NCKAP5: variants seen among roughly 807,000 people sequenced by gnomAD.
NCKAP5 encodes the protein nck-associated protein 5.
Under a neutral mutation model 167.0 loss-of-function variants are expected in NCKAP5, and 92 were observed. The ratio of observed to expected loss-of-function variants is 0.55; its 90% CI spans 0.47 to 0.66. NCKAP5 has a LOEUF of 0.66. Ranked by LOEUF, NCKAP5 falls within the 30% of genes least tolerant of loss-of-function variation. The probability of loss-of-function intolerance (pLI) is 0.00; values close to 1 mark genes in which losing one functional copy is unlikely to be tolerated. For missense variants in NCKAP5, 2,378 were observed against 2,315.0 expected, an observed-to-expected ratio of 1.03 and a Z score of -0.56; for synonymous variants, 891 against 877.4, an observed-to-expected ratio of 1.02 and a Z score of -0.27.
intron 3 of NCKAP5, among the ~76,000 whole-genome samples, chr2:133,440,233 T>A (rs1309202950): frequency 6.6e-6 from 1 of 152,206 alleles, no homozygotes; most frequent in African/African-American, 2.4e-5. Context: ...GAAATTAGTA[T>A]CCTAGCTCTG....
chr2:133,378,280 A>AT (rs1686289421), intron 3 of NCKAP5, among the ~76,000 whole-genome samples: 1 of 152,168 alleles, frequency 6.6e-6, no homozygotes, highest in African/African-American at 2.4e-5. Flanking sequence ...GACCAAAGAG[A>AT]TAAGATAAAG....
At chr2:132,712,844 A>C (rs1036714947) in intron 19 of NCKAP5, among the ~76,000 whole-genome samples, 1 of 152,212 alleles carries the variant, frequency 6.6e-6, no homozygotes, top group Non-Finnish European at 1.5e-5. Context: ...GGTCAGGGTG[A>C]AACCAAGGTG....
intron 19 of NCKAP5, among the ~76,000 whole-genome samples, chr2:132,673,739 C>T (rs60306901): frequency 0.011 from 1,748 of 152,234 alleles, 38 homozygotes; most frequent in African/African-American, 0.04. Context: ...TAAAAATCCC[C>T]TAACTTGCCA....
intron 13 of NCKAP5, among the ~76,000 whole-genome samples, chr2:132,789,125 C>A (rs916374675): frequency 6.6e-6 from 1 of 152,062 alleles, no homozygotes; most frequent in Non-Finnish European, 1.5e-5. Context: ...TGGAAGAATT[C>A]CAGCCAAAAA....
chr2:133,595,614 G>A, the NCKAP5 span, among the ~76,000 whole-genome samples: 1 of 151,938 alleles, frequency 6.6e-6, no homozygotes, highest in Non-Finnish European at 1.5e-5. Flanking sequence ...TGGGGTCTCT[G>A]AAGTACCCTG....
intron 4 of NCKAP5, among the ~76,000 whole-genome samples, chr2:133,244,572 T>C (rs971404720): frequency 2.0e-5 from 3 of 152,010 alleles, no homozygotes; most frequent in Non-Finnish European, 4.4e-5. Context: ...CATAAAGATA[T>C]AGAATTAAGA....
At chr2:133,401,659 T>C (rs933691071) in intron 3 of NCKAP5, among the ~76,000 whole-genome samples, 3 of 152,206 alleles carry the variant, frequency 2.0e-5, no homozygotes, top group African/African-American at 7.2e-5. Context: ...ATAGTTGGTA[T>C]CAGAGGTATT....
At chr2:133,510,430 G>T (rs758506856) in intron 3 of NCKAP5, among the ~76,000 whole-genome samples, 1 of 152,112 alleles carries the variant, frequency 6.6e-6, no homozygotes, top group Admixed American at 6.5e-5. Flanking sequence ...ATTATAAATC[G>T]CAATCTCTTC....
At chr2:133,300,757 T>C (rs1574642377) in intron 4 of NCKAP5, among the ~76,000 whole-genome samples, 1 of 121,646 alleles carries the variant, frequency 8.2e-6, no homozygotes, top group African/African-American at 3.5e-5. Flanking sequence ...CTATTCAACA[T>C]AGTGTTGGAA....
At chr2:133,046,846 G>T (rs1237737271) in intron 6 of NCKAP5, among the ~76,000 whole-genome samples, 1 of 152,190 alleles carries the variant, frequency 6.6e-6, no homozygotes, top group African/African-American at 2.4e-5. Context: ...TTCTTCAGAA[G>T]GGAAGAAACA....
chr2:133,395,175 G>A (rs1265675409), intron 3 of NCKAP5, among the ~76,000 whole-genome samples: 1 of 152,204 alleles, frequency 6.6e-6, no homozygotes, highest in Non-Finnish European at 1.5e-5. Flanking sequence ...GGGGACCTGG[G>A]CTTGGGTATG....
chr2:133,201,013 A>G (rs189696467), intron 5 of NCKAP5, among the ~76,000 whole-genome samples: 232 of 152,298 alleles, frequency 1.5e-3, no homozygotes, highest in African/African-American at 4.7e-3. Flanking sequence ...TTTAGTTTCT[A>G]AATTGTGCAC....
intron 4 of NCKAP5, among the ~76,000 whole-genome samples, chr2:133,221,730 T>C (rs2086670678): frequency 6.6e-6 from 1 of 152,230 alleles, no homozygotes; most frequent in Admixed American, 6.5e-5. Context: ...GAAGGCACTT[T>C]CTGCTATTTC....
At chr2:132,703,025 T>A (rs544805836) in intron 19 of NCKAP5, among the ~76,000 whole-genome samples, 2 of 151,952 alleles carry the variant, frequency 1.3e-5, no homozygotes, top group East Asian at 3.9e-4. Context: ...CAAAAAAATT[T>A]TAAAAATTAG....
chr2:133,554,447 C>T (rs991551228), intron 2 of NCKAP5: 5 of 152,112 alleles, frequency 3.3e-5, no homozygotes, highest in African/African-American at 1.2e-4. Flanking sequence ...GGTATATGAA[C>T]CAACAGAACA....
chr2:133,226,891 T>C (rs1245169679), intron 4 of NCKAP5, among the ~76,000 whole-genome samples: 4 of 152,218 alleles, frequency 2.6e-5, no homozygotes, highest in African/African-American at 7.2e-5. Context: ...CATCCAGATA[T>C]ATTTTAATAT....
intron 3 of NCKAP5, among the ~76,000 whole-genome samples, chr2:133,446,727 A>G (rs560207025): frequency 6.6e-6 from 1 of 152,204 alleles, no homozygotes; most frequent in Non-Finnish European, 1.5e-5. Context: ...AAAGCTTAGA[A>G]GAGTAACCAA....
At chr2:132,767,905 G>A (rs1167345896) in intron 16 of NCKAP5, among the ~76,000 whole-genome samples, 2 of 152,210 alleles carry the variant, frequency 1.3e-5, no homozygotes, top group Admixed American at 6.5e-5. Flanking sequence ...AGGGAGAAGA[G>A]CACCTCACAG....
chr2:133,039,577 C>T (rs2079146772), intron 6 of NCKAP5, among the ~76,000 whole-genome samples: 1 of 152,110 alleles, frequency 6.6e-6, no homozygotes, highest in Non-Finnish European at 1.5e-5. Context: ...TTTGGCCTAA[C>T]CTAGGAGATC....
Sources: allele counts gnomAD v4.1 joint callset (sites outside exome capture counted in the v4.1 genomes callset), GRCh38; gene constraint gnomAD v4.1.1; transcripts MANE v1.5; gene names NCBI Gene and HGNC (gene_info 2026-07-23, HGNC 2026-07-21).